HELLS: variants seen among roughly 807,000 people sequenced by gnomAD.
HELLS encodes helicase, lymphoid specific.
A neutral mutation model predicts 120.0 loss-of-function variants in HELLS; 32 were observed. The observed-to-expected ratio is 0.27, with a 90% CI of 0.20 to 0.36. The LOEUF (loss-of-function observed/expected upper bound fraction) is 0.36, where lower values mean the gene tolerates loss of function less well. Ranked by LOEUF, HELLS falls within the 10% of genes least tolerant of loss-of-function variation. HELLS has a pLI of 1.00. For synonymous variants in HELLS, 341 were observed against 323.4 expected, an observed-to-expected ratio of 1.05 and a Z score of -0.58; for missense variants, 650 against 993.4, an observed-to-expected ratio of 0.65 and a Z score of 4.65.
chr10:94,576,913 C>A, intron 10 of HELLS, 108 bp downstream of exon 10: 1 of 959,620 alleles, frequency 1.0e-6, no homozygotes, highest in South Asian at 1.8e-5. Context: ...TTTTTGTTGT[C>A]GAAATAATAG....
At chr10:94,554,898 C>T (rs1843174851) in intron 3 of HELLS, among the ~76,000 whole-genome samples, 2 of 152,118 alleles carry the variant, frequency 1.3e-5, no homozygotes, top group African/African-American at 2.4e-5. Context: ...TCTGTAATCC[C>T]AGCACTTTGG....
chr10:94,581,702 AACTT>A (rs1844876919), intron 11 of HELLS, among the ~76,000 whole-genome samples, 180 bp downstream of exon 11: 1 of 152,214 alleles, frequency 6.6e-6, no homozygotes, highest in African/African-American at 2.4e-5. Flanking sequence ...GATTATTTAA[AACTT>A]ACTTGCATTG....
chr10:94,549,974 G>A (rs1842903458), intron 2 of HELLS, among the ~76,000 whole-genome samples: 1 of 152,130 alleles, frequency 6.6e-6, no homozygotes, highest in Non-Finnish European at 1.5e-5. Flanking sequence ...AGGCTAGAGT[G>A]CAATGGCGCA....
At chr10:94,552,746 C>T (rs11188017) in intron 2 of HELLS, among the ~76,000 whole-genome samples, 58,072 of 151,472 alleles carry the variant, frequency 0.38, 11,533 homozygotes, top group East Asian at 0.69. Context: ...ACAAGGCAGA[C>T]GAATCTCTTG....
At chr10:94,583,975 G>C (rs1325754505) in intron 12 of HELLS, 3 of 571,378 alleles carry the variant, frequency 5.3e-6, no homozygotes, top group Non-Finnish European at 9.3e-6. Flanking sequence ...CCCATTTCTG[G>C]CTATTTCCTT....
chr10:94,559,489 A>G (rs1165714938), intron 4 of HELLS, among the ~76,000 whole-genome samples: 1 of 151,640 alleles, frequency 6.6e-6, no homozygotes, highest in Non-Finnish European at 1.5e-5. Context: ...TCTGTCGCCC[A>G]GGCTGGAGTG....
rs763662369 is a variant in HELLS, at chr10:94,568,058, C to T, written c.436-3330C>T. Among the ~76,000 whole-genome samples, 20 of 152,076 alleles carry T rather than the reference C, an allele frequency of 1.3e-4. 1 individual carries two copies. In the South Asian group the frequency reaches 1.5e-3, roughly 11 times the overall value. On this transcript the variant is annotated intron_variant, in intron 6 of 21. Transcript: ENST00000348459. ...CTGAGTAGCTGGGACTACAGGCACA[C>T]GTCACCACGCCCAGCTAATTTTTGT...
At chr10:94,600,764 A>G (rs1366960503) in intron 21 of HELLS, among the ~76,000 whole-genome samples, 1 of 152,206 alleles carries the variant, frequency 6.6e-6, no homozygotes, top group Non-Finnish European at 1.5e-5. Context: ...ATGATTTTAG[A>G]ATTAGAATTC....
intron 18 of HELLS, 36 bp from the exon 19 acceptor site, chr10:94,594,659 A>G: frequency 6.6e-7 from 1 of 1,525,578 alleles, no homozygotes; most frequent in South Asian, 1.2e-5. Context: ...TTTTAACCTA[A>G]TACCGTTAAA....
chr10:94,579,201 C>CT (rs11431624), intron 10 of HELLS, among the ~76,000 whole-genome samples: 54,404 of 133,562 alleles, frequency 0.41, 11,994 homozygotes, highest in African/African-American at 0.55. Flanking sequence ...CTACTTTTTT[C>CT]TTTTTTTTTT....
chr10:94,597,016 A>G lies in HELLS; in HGVS notation c.2346-19A>G. ...GCTTTGAATTATTCACATAGACTTG[A>G]ATATTTTGTTTTCTATAGGGAAATA... is the stretch of plus-strand genomic sequence containing the variant. On this transcript the variant is annotated intron_variant, in intron 20 of 21. Coordinates refer to ENST00000348459, the MANE Select transcript of HELLS (RefSeq NM_018063.5). 2.0e-6 allele frequency: 3 copies of G among 1,513,948 alleles called. No individual in the cohort carries two copies. Among genetic ancestry groups the G allele is most frequent in the Non-Finnish European group, 2.7e-6 (3 of 1,092,366 alleles). 93.8% of individuals were successfully genotyped at this position (1,513,948 alleles called of 1,614,324 possible). A position where few individuals can be genotyped will look rare whatever the true frequency, so the allele number is the denominator to read the frequency against.
chr10:94,548,791 C>A (rs868834339), intron 2 of HELLS, among the ~76,000 whole-genome samples: 3 of 151,962 alleles, frequency 2.0e-5, no homozygotes, highest in Non-Finnish European at 4.4e-5. Flanking sequence ...GTCAGGAGTT[C>A]GAGACCAGTT....
chr10:94,603,751 A>G (rs1364703965), downstream of HELLS, among the ~76,000 whole-genome samples: 5 of 152,228 alleles, frequency 3.3e-5, no homozygotes, highest in East Asian at 9.6e-4. Flanking sequence ...CAAAAATCTT[A>G]GAGTCATTCT....
At chr10:94,572,222 G>T (rs540315417) in intron 7 of HELLS, among the ~76,000 whole-genome samples, 7 of 152,268 alleles carry the variant, frequency 4.6e-5, no homozygotes, top group African/African-American at 1.7e-4. Flanking sequence ...AAGTCTAGAT[G>T]TAATCTTCTG....
At chr10:94,596,504 T>G (rs1845746907) in intron 19 of HELLS, among the ~76,000 whole-genome samples, 2 of 152,182 alleles carry the variant, frequency 1.3e-5, no homozygotes, top group South Asian at 4.1e-4. Context: ...TTCTTTTAAT[T>G]GGTGAATAGT....
intron 6 of HELLS, among the ~76,000 whole-genome samples, chr10:94,565,750 T>A (rs1458439226): frequency 6.6e-6 from 1 of 152,236 alleles, no homozygotes; most frequent in Non-Finnish European, 1.5e-5. Flanking sequence ...TACAGCTGTT[T>A]ATTTAATTTG....
chr10:94,588,917 C>T (rs1318216132), intron 13 of HELLS, among the ~76,000 whole-genome samples: 4 of 152,082 alleles, frequency 2.6e-5, no homozygotes, highest in African/African-American at 4.8e-5. Flanking sequence ...GAGGCCGAGG[C>T]GGGTGGATCA....
Position 94,545,930 on chromosome 10 carries a change from G to C in HELLS, c.9G>C (p.Ala3=). The C allele has an allele frequency of 6.4e-7, 1 of 1,556,162 alleles. No individual in the cohort carries two copies. Among genetic ancestry groups the C allele is most frequent in the Non-Finnish European group, 8.7e-7 (1 of 1,149,292 alleles). Residue 3 remains alanine (A), a synonymous_variant, in exon 1 of 22, where the codon GCG becomes GCC. Coordinates refer to ENST00000348459, the MANE Select transcript of HELLS (RefSeq NM_018063.5). The part of the protein sequence containing the change: MP[A]ERPAGSGGSE... ...CGGGTGAGTGTCCAGGCATGCCAGC[G>C]GAACGGCCCGCGGGCAGCGGCGGTG...
At chr10:94,554,635 A>G (rs991659922) in intron 3 of HELLS, among the ~76,000 whole-genome samples, 1 of 151,036 alleles carries the variant, frequency 6.6e-6, no homozygotes, top group Non-Finnish European at 1.5e-5. Flanking sequence ...GAATCTTCAA[A>G]GTAATAGTGT....
Sources: allele counts gnomAD v4.1 joint callset (sites outside exome capture counted in the v4.1 genomes callset), GRCh38; gene constraint gnomAD v4.1.1; transcripts MANE v1.5; gene names NCBI Gene and HGNC (gene_info 2026-07-23, HGNC 2026-07-21).